EPHA6: variants seen among roughly 807,000 people sequenced by gnomAD.
EPHA6 encodes the protein EPH receptor A6, also known as ephrin type-A receptor 6.
A neutral mutation model predicts 112.0 loss-of-function variants in EPHA6; 50 were observed. That is an observed-to-expected ratio of 0.45 (90% CI 0.36 to 0.56). The LOEUF (loss-of-function observed/expected upper bound fraction) is 0.56, where lower values mean the gene tolerates loss of function less well. Ranked by LOEUF, EPHA6 falls within the 20% of genes least tolerant of loss-of-function variation. EPHA6 has a pLI of 0.00. For missense variants in EPHA6, 1,280 were observed against 1,417.4 expected (o/e 0.90, Z 1.56); for synonymous variants, 529 against 490.7 (o/e 1.08, Z -1.03).
chr3:96,872,510 A>G (rs1055074650), intron 2 of EPHA6, among the ~76,000 whole-genome samples: 4 of 152,050 alleles, frequency 2.6e-5, no homozygotes, highest in African/African-American at 9.7e-5. Context: ...TGTTCTTGCA[A>G]GGTAAGTCTG....
intron 3 of EPHA6, among the ~76,000 whole-genome samples, chr3:97,042,038 C>G (rs1193600953): frequency 6.6e-6 from 1 of 151,988 alleles, no homozygotes; most frequent in Non-Finnish European, 1.5e-5. Flanking sequence ...TCATAGTTGT[C>G]CAGGGTATAA....
chr3:97,538,983 CTTT>C (rs2092801588), intron 11 of EPHA6, among the ~76,000 whole-genome samples: 2 of 82,766 alleles, frequency 2.4e-5, no homozygotes, highest in African/African-American at 9.5e-5. Flanking sequence ...CTTTCTCTCT[CTTT>C]CTTTCTTTCT....
chr3:97,185,194 C>G (rs1270497970), intron 3 of EPHA6, among the ~76,000 whole-genome samples: 1 of 152,288 alleles, frequency 6.6e-6, no homozygotes, highest in East Asian at 1.9e-4. Flanking sequence ...GCAATGGCAA[C>G]AGAAGCCAAA....
chr3:97,386,510 G>A (rs115991026), intron 5 of EPHA6, among the ~76,000 whole-genome samples: 1,779 of 152,248 alleles, frequency 0.012, 37 homozygotes, highest in African/African-American at 0.04. Flanking sequence ...CACATCCAGG[G>A]CACACTGATG....
intron 3 of EPHA6, among the ~76,000 whole-genome samples, chr3:97,086,061 A>C (rs562589971): frequency 6.6e-6 from 1 of 151,270 alleles, no homozygotes; most frequent in African/African-American, 2.4e-5. Context: ...CGGCCTCCCA[A>C]GTAGCTGGGA....
chr3:96,817,026 A>T (rs556975184), intron 1 of EPHA6, among the ~76,000 whole-genome samples: 1 of 152,032 alleles, frequency 6.6e-6, no homozygotes, highest in Admixed American at 6.6e-5. Context: ...AAATAGAAGC[A>T]TTAAAGATTG....
chr3:97,584,871 G>A (rs1351715664), intron 11 of EPHA6, among the ~76,000 whole-genome samples: 1 of 152,152 alleles, frequency 6.6e-6, no homozygotes, highest in Admixed American at 6.5e-5. Context: ...TTTATTATTA[G>A]CTCCACTTTT....
At chr3:97,472,436 C>G (rs1280321306) in intron 7 of EPHA6, among the ~76,000 whole-genome samples, 1 of 151,586 alleles carries the variant, frequency 6.6e-6, no homozygotes, top group Non-Finnish European at 1.5e-5. Context: ...TTGGCTCATT[C>G]AAGGACTTGG....
At chr3:97,081,918 A>AAAT (rs2046733134) in intron 3 of EPHA6, among the ~76,000 whole-genome samples, 1 of 151,662 alleles carries the variant, frequency 6.6e-6, no homozygotes, top group Admixed American at 6.6e-5. Context: ...TTTCAACTTG[A>AAAT]ATGCAAATTT....
At chr3:97,105,848 A>G (rs1308207542) in intron 3 of EPHA6, among the ~76,000 whole-genome samples, 1 of 152,126 alleles carries the variant, frequency 6.6e-6, no homozygotes, top group Non-Finnish European at 1.5e-5. Context: ...GTGTTGGTGC[A>G]TATGTATTTA....
At chr3:97,001,020 A>G (rs2043638391) in intron 3 of EPHA6, among the ~76,000 whole-genome samples, 1 of 147,400 alleles carries the variant, frequency 6.8e-6, no homozygotes, top group South Asian at 2.1e-4. Flanking sequence ...AGAAATTGAT[A>G]TATATATATA....
In EPHA6 at chr3:96,870,425, C is replaced by T. The variant is rs184845295; in HGVS notation, c.450+3536C>T. Among the ~76,000 whole-genome samples the T allele has an allele frequency of 1.6e-4, 25 of 152,178 alleles. No individual in the cohort carries two copies. In the East Asian group the frequency reaches 4.8e-3, roughly 29 times the overall value. On this transcript the variant is annotated intron_variant, in intron 2 of 17. Coordinates refer to ENST00000389672, the MANE Select transcript of EPHA6 (RefSeq NM_001080448.3). ...TTTCTACATCTTTCTCATTCTATCT[C>T]CACTTCAGTGGATTGGATGAGGTCA... is the stretch of plus-strand genomic sequence containing the variant.
intron 14 of EPHA6, among the ~76,000 whole-genome samples, chr3:97,693,547 G>A (rs920242246): frequency 1.3e-5 from 2 of 152,002 alleles, no homozygotes; most frequent in Admixed American, 1.3e-4. Context: ...AAGAAGAAAT[G>A]ATGTAATCCC....
intron 3 of EPHA6, among the ~76,000 whole-genome samples, chr3:97,185,092 G>T (rs1190586248): frequency 6.6e-6 from 1 of 150,790 alleles, no homozygotes; most frequent in Non-Finnish European, 1.5e-5. Flanking sequence ...TTCAATGTTA[G>T]ACCTAAAGCC....
Position 97,572,997 on chromosome 3 carries a change from T to G in EPHA6, c.2387-19615T>G, listed in dbSNP as rs185887290. ...GATTACATTTGGTTGAATTTTTGAC[T>G]TTCTGCCTACATACGTCTTAACAAA... On this transcript the variant is annotated intron_variant, in intron 11 of 17. Coordinates refer to ENST00000389672, the MANE Select transcript of EPHA6 (RefSeq NM_001080448.3). 6.2e-3 allele frequency among the ~76,000 whole-genome samples: 952 copies of G among 152,322 alleles called. 8 individuals carry two copies. The highest frequency in any genetic ancestry group is 7.2e-3 in the Non-Finnish European group (488 of 68,018).
At chr3:97,746,429 G>A (rs2107899966) in intron 16 of EPHA6, among the ~76,000 whole-genome samples, 1 of 151,728 alleles carries the variant, frequency 6.6e-6, no homozygotes, top group Non-Finnish European at 1.5e-5. Flanking sequence ...ATATTTTAAT[G>A]TGTATTTTTA....
intron 3 of EPHA6, among the ~76,000 whole-genome samples, chr3:97,159,352 A>G (rs1214940857): frequency 6.6e-6 from 1 of 152,150 alleles, no homozygotes; most frequent in Non-Finnish European, 1.5e-5. Context: ...TTCCAGTTCA[A>G]TGGAATCATC....
intron 5 of EPHA6, among the ~76,000 whole-genome samples, chr3:97,282,560 G>A (rs1346161421): frequency 6.6e-6 from 1 of 151,888 alleles, no homozygotes; most frequent in Non-Finnish European, 1.5e-5. Context: ...AGCACCATTC[G>A]CAATAGCAAA....
chr3:97,286,248 C>G (rs1413246723), intron 5 of EPHA6, among the ~76,000 whole-genome samples: 1 of 152,112 alleles, frequency 6.6e-6, no homozygotes, highest in Admixed American at 6.6e-5. Context: ...TTAATATACT[C>G]TATTACTCCA....
Sources: allele counts gnomAD v4.1 joint callset (sites outside exome capture counted in the v4.1 genomes callset), GRCh38; gene constraint gnomAD v4.1.1; transcripts MANE v1.5; gene names NCBI Gene and HGNC (gene_info 2026-07-23, HGNC 2026-07-21).